ANOS1: variants seen among roughly 807,000 people sequenced by gnomAD.
ANOS1 encodes the protein anosmin 1, also known as anosmin-1.
Under a neutral mutation model 59.0 loss-of-function variants are expected in ANOS1, and 6 were observed. The observed-to-expected ratio is 0.10, with a 90% CI of 0.06 to 0.20. The LOEUF (loss-of-function observed/expected upper bound fraction) is 0.20, where lower values mean the gene tolerates loss of function less well. Ranked by LOEUF, ANOS1 falls within the 10% of genes least tolerant of loss-of-function variation. The probability of loss-of-function intolerance (pLI) is 1.00; values close to 1 mark genes in which losing one functional copy is unlikely to be tolerated. For synonymous variants in ANOS1, 217 were observed against 223.4 expected (o/e 0.97, Z 0.25); for missense variants, 433 against 542.3 (o/e 0.80, Z 2.00).
chrX:8,718,977 T>C (rs979928765), intron 1 of ANOS1, among the ~76,000 whole-genome samples: 4 of 112,233 alleles, frequency 3.6e-5, no homozygotes, highest in African/African-American at 1.3e-4. Context: ...GATGATTCTA[T>C]TATCACTATT....
chrX:8,648,702 T>A (rs777228031), intron 2 of ANOS1, among the ~76,000 whole-genome samples: 109 of 112,120 alleles, frequency 9.7e-4, no homozygotes, highest in Non-Finnish European at 1.4e-3. Context: ...AGTAATATCA[T>A]AGAAATTACA....
intron 2 of ANOS1, among the ~76,000 whole-genome samples, chrX:8,662,230 T>C (rs1413787812): frequency 1.8e-5 from 2 of 111,725 alleles, no homozygotes; most frequent in African/African-American, 6.5e-5. Context: ...TAGGCAGGGA[T>C]GGCTTCAAGG....
rs1308450205 is a variant in ANOS1, at chrX:8,531,916, T to G, written c.*1079A>C. The G allele has an allele frequency of 8.9e-6, 1 of 111,755 alleles. No individual in the cohort carries two copies. The highest frequency in any genetic ancestry group is 3.3e-5 in the African/African-American group (1 of 30,760). The allele number at this position is 111,755 out of a possible 1,213,427, so 9.2% of individuals were successfully genotyped here. On this transcript the variant is annotated 3_prime_UTR_variant, in exon 14 of 14. Transcript: ENST00000262648. ...TAAGTTCATGCTACAAGGCACTAATTTGTAGCATAAAACATTTCCAAAAAG... is the reference window on the plus strand; with the variant it reads ...TAAGTTCATGCTACAAGGCACTAATGTGTAGCATAAAACATTTCCAAAAAG...
At chrX:8,682,125 G>A (rs1003058329) in intron 2 of ANOS1, among the ~76,000 whole-genome samples, 1 of 110,810 alleles carries the variant, frequency 9.0e-6, no homozygotes, top group Non-Finnish European at 1.9e-5. Flanking sequence ...CTTAACAAAT[G>A]AAAAGTGAGC....
chrX:8,677,692 C>CAT (rs956109421), intron 2 of ANOS1, among the ~76,000 whole-genome samples: 5 of 111,355 alleles, frequency 4.5e-5, no homozygotes, highest in African/African-American at 6.5e-5. Flanking sequence ...AGATTACATA[C>CAT]ATATATATAT....
At chrX:8,731,529 A>G (rs1932977107) in intron 1 of ANOS1, among the ~76,000 whole-genome samples, 1 of 111,623 alleles carries the variant, frequency 9.0e-6, no homozygotes, top group African/African-American at 3.3e-5. Flanking sequence ...CGCCACATCC[A>G]CACACCCACT....
intron 2 of ANOS1, among the ~76,000 whole-genome samples, chrX:8,640,552 T>C (rs1931643333): frequency 9.4e-6 from 1 of 106,243 alleles, no homozygotes; most frequent in African/African-American, 3.5e-5. Context: ...AGCAAGACCC[T>C]TTCTTGCTCA....
intron 3 of ANOS1, among the ~76,000 whole-genome samples, chrX:8,607,726 C>T (rs950418515): frequency 9.0e-6 from 1 of 111,595 alleles, no homozygotes; most frequent in Non-Finnish European, 1.9e-5. Context: ...ATGTTCAGCC[C>T]ACTAAACCAT....
intron 8 of ANOS1, among the ~76,000 whole-genome samples, chrX:8,564,469 G>C (rs1930078621): frequency 8.9e-6 from 1 of 112,184 alleles, no homozygotes; most frequent in Non-Finnish European, 1.9e-5. Flanking sequence ...TGAGGTTGTA[G>C]GCAAATGAGG....
At position 8,610,006 on chromosome X, in the gene ANOS1, C is replaced by CAAAAAAAAAAAAAAAAAAAAAA. The variant is rs1167209336; in HGVS notation, c.319-12772_319-12751dup. ...TGGGCGACAGAGCAAGACTCCATCT[C>CAAAAAAAAAAAAAAAAAAAAAA]AAAAAAAAAAAAAAAAAAAAAAAAA... On this transcript the variant is annotated intron_variant, in intron 3 of 13. Coordinates refer to ENST00000262648, the MANE Select transcript of ANOS1 (RefSeq NM_000216.4). 3.3e-4 allele frequency among the ~76,000 whole-genome samples: 3 copies of CAAAAAAAAAAAAAAAAAAAAAA among 9,163 alleles called. 1 individual carries two copies. Among genetic ancestry groups the CAAAAAAAAAAAAAAAAAAAAAA allele is most frequent in the African/African-American group, 6.7e-4 (3 of 4,503 alleles). 8.0% of individuals were successfully genotyped at this position (9,163 alleles called of 115,157 possible). A position where few individuals can be genotyped will look rare whatever the true frequency, so the allele number is the denominator to read the frequency against.
At chrX:8,660,482 C>A (rs1932018147) in intron 2 of ANOS1, among the ~76,000 whole-genome samples, 1 of 111,489 alleles carries the variant, frequency 9.0e-6, no homozygotes, top group Non-Finnish European at 1.9e-5. Context: ...CATTTTATGA[C>A]CAAGAGATAT....
At chrX:8,723,450 C>T (rs1309386637) in intron 1 of ANOS1, among the ~76,000 whole-genome samples, 5 of 111,902 alleles carry the variant, frequency 4.5e-5, no homozygotes, top group African/African-American at 1.3e-4. Flanking sequence ...GGCCAACAAA[C>T]GTATGAAAAA....
intron 2 of ANOS1, among the ~76,000 whole-genome samples, chrX:8,668,006 T>C (rs1932180619): frequency 9.0e-6 from 1 of 111,028 alleles, no homozygotes; most frequent in Non-Finnish European, 1.9e-5. Flanking sequence ...GAGTGTCAAG[T>C]GTCAGGCGTA....
At chrX:8,705,831 G>C (rs774891160) in intron 1 of ANOS1, among the ~76,000 whole-genome samples, 1 of 112,399 alleles carries the variant, frequency 8.9e-6, no homozygotes, top group South Asian at 3.7e-4. Context: ...AGTACATTAG[G>C]CTAGAAACAC....
At chrX:8,561,466 A>ATT (rs34119310) in intron 8 of ANOS1, among the ~76,000 whole-genome samples, 4 of 67,030 alleles carry the variant, frequency 6.0e-5, no homozygotes, top group African/African-American at 1.1e-4. Context: ...TGCCCGGCTA[A>ATT]TTTTTTTTTT....
intron 3 of ANOS1, among the ~76,000 whole-genome samples, chrX:8,614,708 C>T (rs757365835): frequency 1.5e-4 from 16 of 109,804 alleles, no homozygotes; most frequent in African/African-American, 4.6e-4. Context: ...TGATACTCCC[C>T]TAACTCCTTA....
At chrX:8,584,090 T>C (rs992199232) in intron 6 of ANOS1, among the ~76,000 whole-genome samples, 1 of 112,170 alleles carries the variant, frequency 8.9e-6, no homozygotes, top group Non-Finnish European at 1.9e-5. Context: ...CACTTCTGTC[T>C]GAGGTCTGAT....
chrX:8,680,162 CAA>C (rs754341783), intron 2 of ANOS1, among the ~76,000 whole-genome samples: 7 of 28,514 alleles, frequency 2.5e-4, no homozygotes, highest in African/African-American at 6.4e-4. Flanking sequence ...GAGACTCCAT[CAA>C]AAAAAAAAAA....
At chrX:8,609,397 C>T (rs1416991265) in intron 3 of ANOS1, among the ~76,000 whole-genome samples, 1 of 111,962 alleles carries the variant, frequency 8.9e-6, no homozygotes, top group Non-Finnish European at 1.9e-5. Flanking sequence ...AGAGGCTGTG[C>T]ACAAATTCTG....
Sources: gnomAD v4.1 joint callset for allele counts (sites outside exome capture counted in the v4.1 genomes callset) on GRCh38, gnomAD v4.1.1 for gene constraint, MANE v1.5 for transcripts, NCBI Gene and HGNC (gene_info 2026-07-23, HGNC 2026-07-21) for gene names.